ARSB: variants seen among roughly 807,000 people sequenced by gnomAD.
ARSB encodes the protein arylsulfatase B, also known as N-acetylgalactosamine-4-sulfatase.
ARSB carries 41 observed loss-of-function variants against 50.9 expected under a neutral mutation model. The observed-to-expected ratio is 0.81, with a 90% CI of 0.63 to 1.04. The LOEUF (loss-of-function observed/expected upper bound fraction) is 1.04, where lower values mean the gene tolerates loss of function less well. Among genes scored for constraint, ARSB ranks in the 50% least tolerant of loss-of-function variants. ARSB has a pLI of 0.00. For missense variants in ARSB, 672 were observed against 693.3 expected (o/e 0.97, Z 0.35); for synonymous variants, 269 against 284.8 (o/e 0.94, Z 0.56).
chr5:78,893,518 C>T (rs1299610646), intron 4 of ARSB, among the ~76,000 whole-genome samples: 1 of 152,166 alleles, frequency 6.6e-6, no homozygotes, highest in Non-Finnish European at 1.5e-5. Flanking sequence ...TCTCCTTTAA[C>T]ATTTATTAAG....
chr5:78,878,999 G>T (rs1747614021), intron 5 of ARSB, among the ~76,000 whole-genome samples: 1 of 151,936 alleles, frequency 6.6e-6, no homozygotes, highest in Non-Finnish European at 1.5e-5. Context: ...GACTACAGGT[G>T]TGTGCCAACA....
intron 4 of ARSB, among the ~76,000 whole-genome samples, chr5:78,906,096 A>T (rs337855): frequency 0.17 from 26,442 of 151,596 alleles, 2,685 homozygotes; most frequent in East Asian, 0.46. Flanking sequence ...AAAAGAAAAA[A>T]CAGTCTGGAC....
intron 6 of ARSB, among the ~76,000 whole-genome samples, chr5:78,799,175 T>A (rs898008138): frequency 2.0e-5 from 3 of 152,204 alleles, no homozygotes; most frequent in African/African-American, 7.2e-5. Flanking sequence ...GAATGAAATA[T>A]GAAGGAGGTG....
At chr5:78,809,308 G>C (rs1276216476) in intron 6 of ARSB, among the ~76,000 whole-genome samples, 1 of 152,194 alleles carries the variant, frequency 6.6e-6, no homozygotes, top group Non-Finnish European at 1.5e-5. Flanking sequence ...CAAAGAACAA[G>C]CCAGATTTTA....
intron 6 of ARSB, among the ~76,000 whole-genome samples, chr5:78,809,253 G>A (rs1363981932): frequency 1.3e-5 from 2 of 152,208 alleles, no homozygotes; most frequent in East Asian, 1.9e-4. Flanking sequence ...TGGTCAGAGC[G>A]GCTGGGAAGG....
At chr5:78,883,350 G>A (rs1239217296) in intron 5 of ARSB, 2 of 152,202 alleles carry the variant, frequency 1.3e-5, no homozygotes, top group African/African-American at 2.4e-5. Context: ...TGACTTGGAT[G>A]CTGTAGAGTG....
At position 78,901,286 on chromosome 5, in the gene ARSB, G is replaced by A. The variant is rs562915059; in HGVS notation, c.899-15459C>T. Among the ~76,000 whole-genome samples, 18 of 152,212 alleles carry A rather than the reference G, an allele frequency of 1.2e-4. No individual in the cohort carries two copies. In the South Asian group the frequency reaches 3.7e-3, roughly 32 times the overall value. On this transcript the variant is annotated intron_variant, in intron 4 of 7. Coordinates refer to ENST00000264914, the MANE Select transcript of ARSB (RefSeq NM_000046.5). ...ATATTCACAGGTTCCAGGCTTTAGG[G>A]CATGTTTGGAGGCAGGAGGGAGACG...
chr5:78,807,500 G>A (rs1220922890), intron 6 of ARSB, among the ~76,000 whole-genome samples: 1 of 152,234 alleles, frequency 6.6e-6, no homozygotes, highest in African/African-American at 2.4e-5. Context: ...GCCTAAGCCC[G>A]GGCAAGGAGC....
rs564479317 is a variant in ARSB at position 78,828,886 on chromosome 5, C to A, written c.1213+10470G>T. ...AGGGAGGTGATTCTAGATTATTTAT[C>A]CAGGTGGGCCCAATGTTATCACAAG... On this transcript the variant is annotated intron_variant, in intron 6 of 7. Transcript: ENST00000264914. Among the ~76,000 whole-genome samples, 5 of 152,264 alleles carry A rather than the reference C, an allele frequency of 3.3e-5. No homozygotes were observed. The South Asian group carries it at 1.0e-3, about 32-fold the overall frequency.
At chr5:78,870,875 G>A (rs990806168) in intron 5 of ARSB, among the ~76,000 whole-genome samples, 2 of 152,160 alleles carry the variant, frequency 1.3e-5, no homozygotes, top group African/African-American at 4.8e-5. Flanking sequence ...AAGTCAAATT[G>A]TCCCTGTTTG....
Position 78,981,211 on chromosome 5 carries a change from A to T in ARSB, c.312+3726T>A, listed in dbSNP as rs1368757808. ...GTGATCCGCCCGCCTCGGCCTCCCAAAGTGCTGGGATTACAGGCGTGAGCC... is the reference window on the plus strand; with the variant it reads ...GTGATCCGCCCGCCTCGGCCTCCCATAGTGCTGGGATTACAGGCGTGAGCC... On this transcript the variant is annotated intron_variant, in intron 1 of 7. Coordinates refer to ENST00000264914, the MANE Select transcript of ARSB (RefSeq NM_000046.5). Among the ~76,000 whole-genome samples, 6 of 4,710 alleles carry T rather than the reference A, an allele frequency of 1.3e-3. 1 individual carries two copies. Among genetic ancestry groups the T allele is most frequent in the African/African-American group, 3.5e-3 (1 of 284 alleles). The allele number at this position is 4,710 out of a possible 152,430, so 3.1% of individuals were successfully genotyped here.
At chr5:78,794,555 G>C (rs1743112815) in intron 6 of ARSB, among the ~76,000 whole-genome samples, 1 of 152,110 alleles carries the variant, frequency 6.6e-6, no homozygotes, top group African/African-American at 2.4e-5. Context: ...AAAGAAAACA[G>C]AAAACAAAGA....
chr5:78,822,440 A>G (rs991028336), intron 6 of ARSB, among the ~76,000 whole-genome samples: 1 of 152,316 alleles, frequency 6.6e-6, no homozygotes, highest in East Asian at 1.9e-4. Flanking sequence ...TGGGAGGTTT[A>G]GGCCCAGGAG....
chr5:78,806,085 G>T (rs1293379648), intron 6 of ARSB, among the ~76,000 whole-genome samples: 1 of 152,194 alleles, frequency 6.6e-6, no homozygotes, highest in African/African-American at 2.4e-5. Flanking sequence ...TATGAGTACT[G>T]AGCAATACAA....
intron 6 of ARSB, among the ~76,000 whole-genome samples, chr5:78,812,956 G>A (rs1021105074): frequency 2.0e-5 from 3 of 152,048 alleles, no homozygotes; most frequent in Non-Finnish European, 4.4e-5. Flanking sequence ...ACACCACTAC[G>A]CTCCAGCCTG....
chr5:78,889,814 CT>C (rs1748199127), intron 4 of ARSB, among the ~76,000 whole-genome samples: 1 of 152,172 alleles, frequency 6.6e-6, no homozygotes, highest in African/African-American at 2.4e-5. Flanking sequence ...TAATGTGTGG[CT>C]TGGCCGTGGA....
In ARSB at chr5:78,977,170, G is replaced by GC. The variant is rs1176949070; in HGVS notation, c.312+7766dup. ...TTCTTTCTTTCCCCACTTCCCCCCCGCGAGATGGAGTCTTGCTCTGTTGCT... is the reference window on the plus strand; with the variant it reads ...TTCTTTCTTTCCCCACTTCCCCCCCGCCGAGATGGAGTCTTGCTCTGTTGCT... On this transcript the variant is annotated intron_variant, in intron 1 of 7. Transcript: ENST00000264914. Among the ~76,000 whole-genome samples the GC allele has an allele frequency of 2.1e-4, 22 of 107,178 alleles. 1 individual carries two copies. Among genetic ancestry groups the GC allele is most frequent in the East Asian group, 1.2e-3 (4 of 3,226 alleles). 70.3% of individuals were successfully genotyped at this position (107,178 alleles called of 152,430 possible).
At chr5:78,908,707 A>C (rs567455918) in intron 4 of ARSB, among the ~76,000 whole-genome samples, 6 of 146,970 alleles carry the variant, frequency 4.1e-5, no homozygotes, top group African/African-American at 1.5e-4. Context: ...ACAACACTTC[A>C]TTTCTCTACA....
At chr5:78,805,331 G>A (rs939556426) in intron 6 of ARSB, among the ~76,000 whole-genome samples, 2 of 152,182 alleles carry the variant, frequency 1.3e-5, no homozygotes, top group Admixed American at 6.5e-5. Context: ...GAGGCACACA[G>A]GCAGCTATAA....
Sources: gnomAD v4.1 joint callset for allele counts (sites outside exome capture counted in the v4.1 genomes callset) on GRCh38, gnomAD v4.1.1 for gene constraint, MANE v1.5 for transcripts, NCBI Gene and HGNC (gene_info 2026-07-23, HGNC 2026-07-21) for gene names.